PRKAA1: variants seen among roughly 807,000 people sequenced by gnomAD.
PRKAA1 encodes protein kinase AMP-activated catalytic subunit alpha 1, also known as 5'-AMP-activated protein kinase catalytic subunit alpha-1.
A neutral mutation model predicts 56.9 loss-of-function variants in PRKAA1; 23 were observed. That is an observed-to-expected ratio of 0.40 (90% CI 0.29 to 0.57). The LOEUF (loss-of-function observed/expected upper bound fraction) is 0.57, where lower values mean the gene tolerates loss of function less well. PRKAA1 is among the 20% of genes least tolerant of loss of function. PRKAA1 has a pLI of 0.39. For missense variants in PRKAA1, 413 were observed against 679.7 expected (o/e 0.61, Z 4.36); for synonymous variants, 226 against 227.0 (o/e 1.00, Z 0.04).
intron 1 of PRKAA1, 73 bp from the exon 2 acceptor site, chr5:40,777,659 T>A: frequency 7.2e-7 from 1 of 1,391,184 alleles, no homozygotes; most frequent in South Asian, 1.4e-5. Context: ...TCTGGCCCGG[T>A]GCAGTGGCTC....
chr5:40,781,762 T>G (rs1744275232), intron 1 of PRKAA1, among the ~76,000 whole-genome samples: 1 of 152,150 alleles, frequency 6.6e-6, no homozygotes, highest in Admixed American at 6.5e-5. Context: ...TAGGTTTTAT[T>G]AAAAGTACGA....
chr5:40,760,614 G>A lies in PRKAA1; in HGVS notation c.*2164C>T, dbSNP rs1227455172. On this transcript the variant is annotated 3_prime_UTR_variant, in exon 9 of 9. Transcript: ENST00000397128. The stretch of plus-strand genomic sequence containing the variant: ...TACAGTTTTGAACTCATATTTAAAT[G>A]GAACTTCTATTACTTTGTACAGCTT... 2 of 152,668 alleles carry A rather than the reference G, an allele frequency of 1.3e-5. No individual in the cohort carries two copies. Among genetic ancestry groups the A allele is most frequent in the Non-Finnish European group, 2.9e-5 (2 of 67,996 alleles). The allele number at this position is 152,668 out of a possible 1,614,324, so 9.5% of individuals were successfully genotyped here.
In PRKAA1 at chr5:40,771,834, G is replaced by A; in HGVS notation, c.393C>T (p.Phe131=). The change falls in exon 4 of 9, where the codon TTC becomes TTT. Residue 131 remains phenylalanine (F), a synonymous_variant. Coordinates refer to ENST00000397128, the MANE Select transcript of PRKAA1 (RefSeq NM_006251.6). ...AATCCACACCAGAAAGGATCTGTTGGAACAGACGCCGACTTTCTTTTTCAT... is the reference window on the plus strand; with the variant it reads ...AATCCACACCAGAAAGGATCTGTTGAAACAGACGCCGACTTTCTTTTTCAT... The part of the protein sequence containing the change: ...RLDEKESRRL[F]QQILSGVDYC... The A allele has an allele frequency of 6.2e-7, 1 of 1,610,642 alleles. No individual in the cohort carries two copies. The highest frequency in any genetic ancestry group is 8.5e-7 in the Non-Finnish European group (1 of 1,179,338).
chr5:40,786,294 G>A (rs1000040161), intron 1 of PRKAA1, among the ~76,000 whole-genome samples: 1 of 150,836 alleles, frequency 6.6e-6, no homozygotes, highest in Non-Finnish European at 1.5e-5. Context: ...GAAGAGGCAA[G>A]GAACAGATTC....
At chr5:40,797,875 C>G (rs1745007354) in intron 1 of PRKAA1, among the ~76,000 whole-genome samples, 188 bp downstream of exon 1, 1 of 152,152 alleles carries the variant, frequency 6.6e-6, no homozygotes, top group Non-Finnish European at 1.5e-5. Context: ...CCCCCACCCC[C>G]ACCCGGCCTG....
intron 1 of PRKAA1, among the ~76,000 whole-genome samples, chr5:40,794,933 T>G (rs1744859008): frequency 6.6e-6 from 1 of 151,584 alleles, no homozygotes; most frequent in Admixed American, 6.6e-5. Flanking sequence ...AATTCACAAT[T>G]GCAAAATCGT....
rs747908382 is a variant in PRKAA1 at position 40,767,504 on chromosome 5, C to A, written c.783G>T (p.Gln261His). The part of the protein sequence containing the change: ...SVISLLKHML[Q>H]VDPMKRATIK... The stretch of plus-strand genomic sequence containing the variant: ...TTGTGGCCCTCTTCATGGGATCCAC[C>A]TGCAGCATATGTTTCAAAAGGCTAA... The change falls in exon 6 of 9, where the codon CAG (glutamine) becomes CAT (histidine). Residue 261 changes from glutamine to histidine, a missense_variant. Transcript: ENST00000397128. 3 of 1,613,532 alleles carry A rather than the reference C, an allele frequency of 1.9e-6. No individual in the cohort carries two copies. The highest frequency in any genetic ancestry group is 2.5e-6 in the Non-Finnish European group (3 of 1,179,678).
At chr5:40,771,940 A>G in intron 3 of PRKAA1, 77 bp from the exon 4 acceptor site, 1 of 1,494,938 alleles carries the variant, frequency 6.7e-7, no homozygotes, top group Non-Finnish European at 9.0e-7. Context: ...TCCAACCTAT[A>G]AAATTGTCAA....
intron 6 of PRKAA1, among the ~76,000 whole-genome samples, chr5:40,766,627 G>A (rs1743446963): frequency 6.6e-6 from 1 of 151,480 alleles, no homozygotes; most frequent in South Asian, 2.1e-4. Context: ...CATTCCTTGG[G>A]ATTAAAAAAA....
chr5:40,794,329 G>A (rs1744837505), intron 1 of PRKAA1, among the ~76,000 whole-genome samples: 1 of 152,034 alleles, frequency 6.6e-6, no homozygotes, highest in South Asian at 2.1e-4. Flanking sequence ...CCCACTTTTT[G>A]ATGGGACTAT....
In PRKAA1 at chr5:40,776,003, T is replaced by C. The variant is rs1397589174; in HGVS notation, c.270-500A>G. Among the ~76,000 whole-genome samples the C allele has an allele frequency of 2.0e-5, 3 of 152,222 alleles. No homozygotes were observed. The East Asian group carries it at 5.8e-4, about 29-fold the overall frequency. On this transcript the variant is annotated intron_variant, in intron 2 of 8. Transcript: ENST00000397128. Reference sequence around the variant, plus strand: ...AATTTTACAAGCCATGATAAGGCTTTGGCTTTTACTCCAAGGAAGATGAAA... The same window carrying C: ...AATTTTACAAGCCATGATAAGGCTTCGGCTTTTACTCCAAGGAAGATGAAA...
At chr5:40,788,412 A>T (rs1299266706) in intron 1 of PRKAA1, among the ~76,000 whole-genome samples, 2 of 152,228 alleles carry the variant, frequency 1.3e-5, no homozygotes, top group African/African-American at 4.8e-5. Context: ...AATCTACTAG[A>T]AGAAAACTTA....
intron 1 of PRKAA1, among the ~76,000 whole-genome samples, chr5:40,797,812 T>C (rs1363546689): frequency 6.6e-6 from 1 of 151,904 alleles, no homozygotes; most frequent in African/African-American, 2.4e-5. Context: ...CCCTCGTACC[T>C]ACCAGCCCCT....
intron 1 of PRKAA1, among the ~76,000 whole-genome samples, chr5:40,793,074 A>C (rs1006813169): frequency 6.6e-6 from 1 of 152,072 alleles, no homozygotes; most frequent in South Asian, 2.1e-4. Flanking sequence ...TCTCAAAAAA[A>C]AAAAAAGAAA....
chr5:40,775,304 C>T, intron 3 of PRKAA1, 106 bp downstream of exon 3: 1 of 817,470 alleles, frequency 1.2e-6, no homozygotes, highest in Non-Finnish European at 2.1e-6. Flanking sequence ...ACTAAGGGAA[C>T]TGGTTATTAA....
At chr5:40,779,269 A>C (rs1744162612) in intron 1 of PRKAA1, among the ~76,000 whole-genome samples, 1 of 152,148 alleles carries the variant, frequency 6.6e-6, no homozygotes, top group Admixed American at 6.5e-5. Flanking sequence ...TGAAATCCCA[A>C]AAGATCAAAA....
chr5:40,771,421 T>C (rs925404881), intron 4 of PRKAA1, among the ~76,000 whole-genome samples: 2 of 152,216 alleles, frequency 1.3e-5, no homozygotes, highest in Admixed American at 6.5e-5. Context: ...GAGGGTCACC[T>C]GGCCCAGTAG....
At chr5:40,763,156 A>G in intron 8 of PRKAA1, 134 bp from the exon 9 acceptor site, 1 of 808,968 alleles carries the variant, frequency 1.2e-6, no homozygotes, top group South Asian at 1.8e-5. Context: ...AATACCTTCT[A>G]AAACAGTCAA....
At position 40,762,957 on chromosome 5, in the gene PRKAA1, G is replaced by A. The variant is rs2111971737; in HGVS notation, c.1501C>T (p.Arg501Ter). Reference sequence around the variant, plus strand: ...TCTGAATCACTCCTTTGGCAAGATCGATAGTTGCTAACTGATCCCGATCTC... The same window carrying A: ...TCTGAATCACTCCTTTGGCAAGATCAATAGTTGCTAACTGATCCCGATCTC... Reference protein sequence around the residue: ...PQRSGSVSNYRSCQRSDSDAE... With the variant: ...PQRSGSVSNY The change falls in exon 9 of 9, where the codon CGA becomes TGA. Residue 501 changes from arginine to a stop codon, truncating the protein, a stop_gained. Transcript: ENST00000397128. LOFTEE classifies it high-confidence loss of function. The A allele has an allele frequency of 2.5e-6, 4 of 1,614,116 alleles. No individual in the cohort carries two copies. The highest frequency in any genetic ancestry group is 2.5e-6 in the Non-Finnish European group (3 of 1,180,004).
Sources: gnomAD v4.1 joint callset for allele counts (sites outside exome capture counted in the v4.1 genomes callset) on GRCh38, gnomAD v4.1.1 for gene constraint, MANE v1.5 for transcripts, NCBI Gene and HGNC (gene_info 2026-07-23, HGNC 2026-07-21) for gene names.